MPPED1: variants seen among roughly 807,000 people sequenced by gnomAD.
The protein encoded by MPPED1 is metallophosphoesterase domain-containing protein 1.
In MPPED1, 16 loss-of-function variants were observed where a neutral mutation model predicts 36.2. The ratio of observed to expected loss-of-function variants is 0.44; its 90% CI spans 0.30 to 0.67. The LOEUF (loss-of-function observed/expected upper bound fraction) is 0.67, where lower values mean the gene tolerates loss of function less well. MPPED1 is among the 30% of genes least tolerant of loss of function. The pLI, the probability that MPPED1 is intolerant of heterozygous loss-of-function variation, is 0.10. For missense variants in MPPED1, 307 were observed against 453.4 expected (o/e 0.68, Z 2.93); for synonymous variants, 199 against 191.3 (o/e 1.04, Z -0.33).
intron 4 of MPPED1, among the ~76,000 whole-genome samples, chr22:43,479,117 G>A (rs1183339207): frequency 6.6e-6 from 1 of 152,162 alleles, no homozygotes; most frequent in Non-Finnish European, 1.5e-5. Flanking sequence ...TTCTGGCTGG[G>A]GCCCTCCACT....
At chr22:43,451,005 T>C (rs1007731263) in intron 3 of MPPED1, among the ~76,000 whole-genome samples, 2 of 150,052 alleles carry the variant, frequency 1.3e-5, no homozygotes, top group Admixed American at 6.7e-5. Context: ...GGATTACAGG[T>C]GTGAGCCACT....
At chr22:43,479,326 G>A in intron 4 of MPPED1, among the ~76,000 whole-genome samples, 1 of 152,242 alleles carries the variant, frequency 6.6e-6, no homozygotes, top group Admixed American at 6.5e-5. Context: ...CAGGCAGGGA[G>A]CAGGGATGAA....
At chr22:43,481,093 G>GAAT in intron 4 of MPPED1, among the ~76,000 whole-genome samples, 1 of 152,164 alleles carries the variant, frequency 6.6e-6, no homozygotes, top group Non-Finnish European at 1.5e-5. Context: ...AGAGTGCTGG[G>GAAT]ATTATAGGCA....
intron 4 of MPPED1, among the ~76,000 whole-genome samples, chr22:43,488,571 A>G (rs1186345377): frequency 6.6e-6 from 1 of 152,240 alleles, no homozygotes; most frequent in Non-Finnish European, 1.5e-5. Flanking sequence ...AGCACAAAAA[A>G]GCTGTTAAGG....
intron 4 of MPPED1, among the ~76,000 whole-genome samples, chr22:43,480,512 G>A (rs1200794773): frequency 1.3e-5 from 2 of 152,190 alleles, no homozygotes; most frequent in Admixed American, 1.3e-4. Context: ...CTTTTGGGAA[G>A]TGCTCAAGTC....
intron 1 of MPPED1, chr22:43,416,824 T>C (rs1929090569): frequency 1.8e-5 from 3 of 167,698 alleles, no homozygotes. Flanking sequence ...ATTTATGGAG[T>C]AGAGCACTGG....
Position 43,474,919 on chromosome 22 carries a change from C to T in MPPED1, c.590C>T (p.Ser197Leu). ...LLTNCIYLQD[S>L]EVTVRGFRIY... ...ACCAACTGCATCTACCTTCAGGACT[C>T]GGAGGTCACCGTGCGGGGCTTCCGG... Residue 197 changes from serine to leucine, a missense_variant, in exon 4 of 7, where the codon TCG becomes TTG. Transcript: ENST00000443721. This position sits in a 1 kb window ranked among gnomAD's most constrained non-coding sequence, Gnocchi z 5.2. 9 of 1,614,022 alleles carry T rather than the reference C, an allele frequency of 5.6e-6. No homozygotes were observed. The highest frequency in any genetic ancestry group is 6.8e-6 in the Non-Finnish European group (8 of 1,179,900).
rs145689274 is a variant in MPPED1, at chr22:43,413,988, C to T, written c.-79+1830C>T. ...AGTCACCTACATGGCCGAGGAGGTA[C>T]CTCTGATGTAACCACCCCGTGGTAC... On this transcript the variant is annotated intron_variant, in intron 1 of 6. Transcript: ENST00000443721. Among the ~76,000 whole-genome samples the T allele has an allele frequency of 2.7e-3, 416 of 152,252 alleles. 2 individuals are homozygous for T. The highest frequency in any genetic ancestry group is 3.6e-3 in the Non-Finnish European group (246 of 68,028).
rs140567657 is a variant in MPPED1 at position 43,450,492 on chromosome 22, C to T, written c.406+15277C>T. 8.7e-3 allele frequency among the ~76,000 whole-genome samples: 1,321 copies of T among 152,350 alleles called. 13 individuals are homozygous for T. Among genetic ancestry groups the T allele is most frequent in the Non-Finnish European group, 0.011 (777 of 68,030 alleles). ...TGGATCCTGGCTCTGCTCTTCCCAG[C>T]CATATGGCCTTGGGCATGTTCTGTC... On this transcript the variant is annotated intron_variant, in intron 3 of 6. Transcript: ENST00000443721.
chr22:43,487,204 C>G (rs1410170231), intron 4 of MPPED1, among the ~76,000 whole-genome samples: 4 of 152,138 alleles, frequency 2.6e-5, no homozygotes, highest in Non-Finnish European at 5.9e-5. Context: ...CTGGGGGAGG[C>G]AGGTGATCAA....
chr22:43,497,935 G>GTGTGTATATATATATA (rs1555904573), intron 4 of MPPED1, among the ~76,000 whole-genome samples: 1 of 128,364 alleles, frequency 7.8e-6, no homozygotes. Context: ...ATATGTATAT[G>GTGTGTATATATATATA]TATATATATA....
intron 3 of MPPED1, among the ~76,000 whole-genome samples, chr22:43,445,291 T>C (rs1930296192): frequency 6.6e-6 from 1 of 152,220 alleles, no homozygotes; most frequent in Admixed American, 6.5e-5. Context: ...ATTTCTGTCA[T>C]TCATTTTGTG....
At chr22:43,412,469 C>T (rs1051269123) in intron 1 of MPPED1, among the ~76,000 whole-genome samples, 4 of 152,106 alleles carry the variant, frequency 2.6e-5, no homozygotes, top group African/African-American at 9.7e-5. Flanking sequence ...GTGGAAGCAG[C>T]GGGCTGGTGG....
rs537838395 is a variant in MPPED1 at position 43,455,817 on chromosome 22, TTTCAA to T, written c.407-18918_407-18914del. Among the ~76,000 whole-genome samples the T allele has an allele frequency of 2.6e-4, 39 of 152,308 alleles. 1 individual carries two copies. In the South Asian group the frequency reaches 7.9e-3, roughly 31 times the overall value. On this transcript the variant is annotated intron_variant, in intron 3 of 6. Coordinates refer to ENST00000443721, the MANE Select transcript of MPPED1 (RefSeq NM_001044370.2). ...TTGCTTGAAAGTTTCTTGTCTTTGG[TTTCAA>T]GCACTTTGATTATTGTGTTAATTTC...
At chr22:43,466,626 ATACAGCAAATAAC>A (rs142577913) in intron 3 of MPPED1, among the ~76,000 whole-genome samples, 5,723 of 152,176 alleles carry the variant, frequency 0.038, 246 homozygotes, top group East Asian at 0.21. Flanking sequence ...CAGTTCCTAG[ATACAGCAAATAAC>A]TACACAAGCC....
chr22:43,466,508 T>C (rs1198984877), intron 3 of MPPED1, among the ~76,000 whole-genome samples: 1 of 152,154 alleles, frequency 6.6e-6, no homozygotes, highest in East Asian at 1.9e-4. Flanking sequence ...GCAATGAAAA[T>C]GGCTAACATC....
At chr22:43,457,572 T>C (rs1321148296) in intron 3 of MPPED1, among the ~76,000 whole-genome samples, 2 of 152,194 alleles carry the variant, frequency 1.3e-5, no homozygotes, top group African/African-American at 4.8e-5. Flanking sequence ...ATATATCTTA[T>C]ATATTTTTTG....
intron 1 of MPPED1, among the ~76,000 whole-genome samples, chr22:43,415,719 C>T (rs1351948435): frequency 6.6e-6 from 1 of 152,184 alleles, no homozygotes; most frequent in Non-Finnish European, 1.5e-5. Flanking sequence ...GTTGACTCTG[C>T]TCTGCATCCA....
intron 3 of MPPED1, 23 bp downstream of exon 3, chr22:43,435,238 G>C (rs377304634): frequency 1.9e-5 from 30 of 1,589,156 alleles, no homozygotes; most frequent in Non-Finnish European, 2.6e-5. Context: ...TGCCCCGGGC[G>C]GGCGGCTGTG....
Sources: allele counts gnomAD v4.1 joint callset (sites outside exome capture counted in the v4.1 genomes callset), GRCh38; gene constraint gnomAD v4.1.1; non-coding constraint Gnocchi (gnomAD v3.1); transcripts MANE v1.5; gene names NCBI Gene and HGNC (gene_info 2026-07-23, HGNC 2026-07-21).